Variants in FNIP2 observed in about 807,000 individuals in gnomAD.
FNIP2 encodes folliculin-interacting protein 2.
In FNIP2, 32 loss-of-function variants were observed where a neutral mutation model predicts 108.7. That is an observed-to-expected ratio of 0.29 (90% confidence interval 0.22 to 0.40). The LOEUF (loss-of-function observed/expected upper bound fraction) is 0.40. FNIP2 is among the 10% of genes least tolerant of loss of function. The pLI, the probability that FNIP2 is intolerant of heterozygous loss-of-function variation, is 1.00. For synonymous variants in FNIP2, 480 were observed against 496.7 expected (o/e 0.97, Z 0.45); for missense variants, 1,202 against 1,381.6 (o/e 0.87, Z 2.06).
chr4:158,872,738 T>TG (rs1163729130), intron 14 of FNIP2: 2 of 979,896 alleles, frequency 2.0e-6, no homozygotes, highest in East Asian at 1.1e-4. Context: ...GGTAGTGTTT[T>TG]TTTTTTTTTT....
At chr4:158,888,288 T>C (rs79122825) in intron 14 of FNIP2, among the ~76,000 whole-genome samples, 3,211 of 152,332 alleles carry the variant, frequency 0.021, 119 homozygotes, top group African/African-American at 0.073. Context: ...TTTTTCTCTT[T>C]TGAAAAGGTT....
At chr4:158,820,232 G>T (rs1021948559) in intron 1 of FNIP2, among the ~76,000 whole-genome samples, 1 of 152,052 alleles carries the variant, frequency 6.6e-6, no homozygotes, top group Non-Finnish European at 1.5e-5. Context: ...TGACTGTGTG[G>T]GGAGGCTTCC....
At position 158,847,972 on chromosome 4, in the gene FNIP2, A is replaced by G. The variant is rs572187631; in HGVS notation, c.728-3349A>G. ...TGTCTTGTGGCTTGGGTGCCAGCCC[A>G]GCTGCAGCAGAACAGAGCATCAGGT... On this transcript the variant is annotated intron_variant, in intron 7 of 16. Coordinates refer to ENST00000264433, the MANE Select transcript of FNIP2 (RefSeq NM_020840.3). Among the ~76,000 whole-genome samples, 34 of 152,310 alleles carry G rather than the reference A, an allele frequency of 2.2e-4. No homozygotes were observed. The South Asian group carries it at 6.8e-3, about 31-fold the overall frequency.
At chr4:158,833,951 C>A in intron 6 of FNIP2, 1 of 1,128,136 alleles carries the variant, frequency 8.9e-7, no homozygotes. Flanking sequence ...TGTGCAGGTT[C>A]TTAGGAAAAA....
At chr4:158,788,719 C>T (rs145952450) in intron 1 of FNIP2, among the ~76,000 whole-genome samples, 1 of 152,332 alleles carries the variant, frequency 6.6e-6, no homozygotes, top group African/African-American at 2.4e-5. Context: ...GCTAGACTCA[C>T]AAGGAACTTG....
chr4:158,872,172 CTTTG>C (rs1194167978), intron 14 of FNIP2: 1 of 985,332 alleles, frequency 1.0e-6, no homozygotes, highest in Non-Finnish European at 1.2e-6. Context: ...CAGCTGGGGA[CTTTG>C]TTTGAATGCC....
At chr4:158,887,748 AAAAAAAAAAC>A (rs1782093631) in intron 14 of FNIP2, among the ~76,000 whole-genome samples, 1 of 151,460 alleles carries the variant, frequency 6.6e-6, no homozygotes, top group Non-Finnish European at 1.5e-5. Context: ...AAAAAAAAAA[AAAAAAAAAAC>A]CCAAGAGGAA....
chr4:158,812,994 C>T (rs1777362684), intron 1 of FNIP2, among the ~76,000 whole-genome samples: 2 of 152,042 alleles, frequency 1.3e-5, no homozygotes, highest in South Asian at 4.2e-4. Context: ...ACAGTATGTA[C>T]CCTCTTCAGA....
At chr4:158,866,666 C>T (rs2126696107) in intron 12 of FNIP2, among the ~76,000 whole-genome samples, 1 of 151,986 alleles carries the variant, frequency 6.6e-6, no homozygotes, top group East Asian at 1.9e-4. Context: ...ATGTCTGCCT[C>T]CCGGGTTCAA....
At chr4:158,830,645 CTGTG>C (rs1212872991) in intron 3 of FNIP2, among the ~76,000 whole-genome samples, 1 of 152,018 alleles carries the variant, frequency 6.6e-6, no homozygotes, top group Non-Finnish European at 1.5e-5. Context: ...GCTTGTGTGT[CTGTG>C]TGTGTGTATG....
intron 10 of FNIP2, 131 bp from the exon 11 acceptor site, chr4:158,861,211 T>G: frequency 2.7e-6 from 3 of 1,091,080 alleles, no homozygotes; most frequent in Non-Finnish European, 3.8e-6. Context: ...GCAACCCCTG[T>G]TATGTGTGGA....
chr4:158,825,843 G>A, intron 1 of FNIP2, 73 bp from the exon 2 acceptor site: 1 of 1,542,586 alleles, frequency 6.5e-7, no homozygotes, highest in Non-Finnish European at 8.8e-7. Context: ...ATGGTGACTG[G>A]GAAGCTTATC....
chr4:158,785,894 C>T (rs2126438347), intron 1 of FNIP2, among the ~76,000 whole-genome samples: 1 of 152,284 alleles, frequency 6.6e-6, no homozygotes, highest in East Asian at 1.9e-4. Flanking sequence ...CTGATTTACT[C>T]AGCATTTTGT....
At position 158,829,074 on chromosome 4, in the gene FNIP2, C is replaced by A. The variant is rs773399253; in HGVS notation, c.235-5C>A. The A allele has an allele frequency of 1.9e-6, 3 of 1,600,834 alleles. No homozygotes were observed. The highest frequency in any genetic ancestry group is 2.6e-6 in the Non-Finnish European group (3 of 1,173,242). On this transcript the variant is annotated splice_polypyrimidine_tract_variant and splice_region_variant and intron_variant, in intron 2 of 16. Coordinates refer to ENST00000264433, the MANE Select transcript of FNIP2 (RefSeq NM_020840.3). Reference sequence around the variant, plus strand: ...CTTTTACCTTGCCTGTCTCTCTTAACCTAGAAAACAGAGGATGTTCCTATT... The same window carrying A: ...CTTTTACCTTGCCTGTCTCTCTTAAACTAGAAAACAGAGGATGTTCCTATT...
chr4:158,881,877 T>C (rs1441716927), intron 14 of FNIP2, among the ~76,000 whole-genome samples: 1 of 152,146 alleles, frequency 6.6e-6, no homozygotes, highest in Non-Finnish European at 1.5e-5. Flanking sequence ...CGCCACCCCG[T>C]CTGGGAAGTG....
Position 158,801,726 on chromosome 4 carries a change from C to T in FNIP2, c.108-24190C>T, listed in dbSNP as rs189096178. ...TAACTACCTACCAGTATTTTCTACC[C>T]TATATGACTGAATTTGACATATTGA... is the stretch of plus-strand genomic sequence containing the variant. On this transcript the variant is annotated intron_variant, in intron 1 of 16. Transcript: ENST00000264433. 9.8e-5 allele frequency among the ~76,000 whole-genome samples: 15 copies of T among 152,304 alleles called. No individual in the cohort carries two copies. The East Asian group carries it at 2.9e-3, about 29-fold the overall frequency.
intron 1 of FNIP2, among the ~76,000 whole-genome samples, chr4:158,788,709 G>C (rs1215664940): frequency 2.0e-5 from 3 of 152,196 alleles, no homozygotes. Context: ...CATAGAAAAG[G>C]CTAGACTCAC....
intron 15 of FNIP2, among the ~76,000 whole-genome samples, chr4:158,894,146 A>ATCAAGTCTTT (rs1325756936): frequency 6.6e-6 from 1 of 151,194 alleles, no homozygotes; most frequent in African/African-American, 2.4e-5. Context: ...CAATGGAATA[A>ATCAAGTCTTT]TCAAGTCTTT....
At chr4:158,843,185 C>T (rs1481527020) in intron 7 of FNIP2, among the ~76,000 whole-genome samples, 1 of 152,084 alleles carries the variant, frequency 6.6e-6, no homozygotes, top group African/African-American at 2.4e-5. Context: ...AGATTCAGAG[C>T]CATACTATCA....
Sources: allele counts gnomAD v4.1 joint callset (sites outside exome capture counted in the v4.1 genomes callset), GRCh38; gene constraint gnomAD v4.1.1; transcripts MANE v1.5; gene names NCBI Gene and HGNC (gene_info 2026-07-23, HGNC 2026-07-21).